The following SLC44A1 variants were observed in gnomAD, a reference collection of about 807,000 sequenced individuals.
The protein encoded by SLC44A1 is choline transporter-like protein 1.
In SLC44A1, 26 loss-of-function variants were observed where a neutral mutation model predicts 79.3. The observed-to-expected ratio is 0.33, with a 90% CI of 0.24 to 0.46. The LOEUF (loss-of-function observed/expected upper bound fraction) is 0.46. Among genes scored for constraint, SLC44A1 ranks in the 20% least tolerant of loss-of-function variants. SLC44A1 has a pLI of 1.00. For missense variants in SLC44A1, 688 were observed against 798.1 expected (o/e 0.86, Z 1.66); for synonymous variants, 263 against 286.2 (o/e 0.92, Z 0.82).
intron 1 of SLC44A1, among the ~76,000 whole-genome samples, chr9:105,288,950 G>A (rs181388487): frequency 2.6e-4 from 40 of 152,236 alleles, no homozygotes; most frequent in African/African-American, 7.7e-4. Context: ...ACTGGACTTC[G>A]TTAACCCGCA....
At chr9:105,293,936 G>A (rs1830660735) in intron 1 of SLC44A1, among the ~76,000 whole-genome samples, 1 of 152,066 alleles carries the variant, frequency 6.6e-6, no homozygotes, top group South Asian at 2.1e-4. Flanking sequence ...GAGATACCAT[G>A]GAAGCTAAAA....
intron 15 of SLC44A1, among the ~76,000 whole-genome samples, chr9:105,417,442 T>C (rs1829186109): frequency 6.6e-6 from 1 of 152,172 alleles, no homozygotes; most frequent in Non-Finnish European, 1.5e-5. Flanking sequence ...CATGTCTTTA[T>C]GCACTTATCA....
intron 1 of SLC44A1, among the ~76,000 whole-genome samples, chr9:105,290,865 G>GT (rs1349631500): frequency 6.6e-6 from 1 of 152,204 alleles, no homozygotes; most frequent in Non-Finnish European, 1.5e-5. Flanking sequence ...ACAGAATCCT[G>GT]TATCTTTCCA....
In SLC44A1 at chr9:105,317,001, G is replaced by A. The variant is rs7026437; in HGVS notation, c.269+7135G>A. The stretch of plus-strand genomic sequence containing the variant: ...AGGCTGAAATCAAAGTGTTGACAGG[G>A]CTGTGATTTTTTTCTTGAGGTTCTA... On this transcript the variant is annotated intron_variant, in intron 3 of 15. Transcript: ENST00000374720. Among the ~76,000 whole-genome samples, 264 of 152,268 alleles carry A rather than the reference G, an allele frequency of 1.7e-3. 1 individual carries two copies. Among genetic ancestry groups the A allele is most frequent in the African/African-American group, 5.8e-3 (240 of 41,558 alleles).
At chr9:105,312,329 C>G (rs919179706) in intron 3 of SLC44A1, among the ~76,000 whole-genome samples, 1 of 152,092 alleles carries the variant, frequency 6.6e-6, no homozygotes, top group African/African-American at 2.4e-5. Flanking sequence ...ATCCAATATT[C>G]AAAAGTACTC....
intron 4 of SLC44A1, among the ~76,000 whole-genome samples, chr9:105,337,548 T>C (rs1220426954): frequency 6.6e-6 from 1 of 152,202 alleles, no homozygotes; most frequent in East Asian, 1.9e-4. Flanking sequence ...TCTTACATAC[T>C]ACTGACATAT....
At chr9:105,368,842 A>G (rs1467521144) in intron 12 of SLC44A1, among the ~76,000 whole-genome samples, 1 of 152,128 alleles carries the variant, frequency 6.6e-6, no homozygotes, top group East Asian at 1.9e-4. Context: ...GTTCGAGACC[A>G]TCTTGGCCAA....
At chr9:105,312,938 T>G (rs1393105101) in intron 3 of SLC44A1, among the ~76,000 whole-genome samples, 1 of 152,164 alleles carries the variant, frequency 6.6e-6, no homozygotes, top group Non-Finnish European at 1.5e-5. Context: ...AGCCTTTCCT[T>G]TGGTGGTGTT....
intron 5 of SLC44A1, among the ~76,000 whole-genome samples, chr9:105,351,630 A>G (rs61031396): frequency 0.021 from 783 of 38,014 alleles, 34 homozygotes; most frequent in African/African-American, 0.044. Flanking sequence ...AAGAGAGAGA[A>G]AGAGAAAGAA....
At chr9:105,401,628 G>C (rs1328991631), downstream of SLC44A1, among the ~76,000 whole-genome samples, 28 of 152,100 alleles carry the variant, frequency 1.8e-4, no homozygotes, top group Non-Finnish European at 8.8e-5. Context: ...AGAAATGATA[G>C]ACTTGAAATA....
rs1299699160 is a variant in SLC44A1, at chr9:105,323,104, C to T, written c.270-12459C>T. On this transcript the variant is annotated intron_variant, in intron 3 of 15. Transcript: ENST00000374720. Reference sequence around the variant, plus strand: ...GGTGGCGGGCACCTGTAATCCCAGCCACTTGGAAGGCTGAGACAGGAGAAT... The same window carrying T: ...GGTGGCGGGCACCTGTAATCCCAGCTACTTGGAAGGCTGAGACAGGAGAAT... Among the ~76,000 whole-genome samples, 4 of 147,604 alleles carry T rather than the reference C, an allele frequency of 2.7e-5. No homozygotes were observed. In the East Asian group the frequency reaches 6.0e-4, roughly 22 times the overall value.
chr9:105,302,915 G>A (rs536796019), intron 2 of SLC44A1, among the ~76,000 whole-genome samples: 33 of 152,250 alleles, frequency 2.2e-4, no homozygotes, highest in Non-Finnish European at 4.6e-4. Flanking sequence ...CTGATGTAAT[G>A]GTCCAGATAA....
At chr9:105,412,176 T>C (rs1178624138) in intron 15 of SLC44A1, among the ~76,000 whole-genome samples, 6 of 152,258 alleles carry the variant, frequency 3.9e-5, no homozygotes, top group Non-Finnish European at 8.8e-5. Flanking sequence ...ATAATATATA[T>C]GTTAAATAAC....
At chr9:105,428,452 G>T (rs924387419) in intron 15 of SLC44A1, among the ~76,000 whole-genome samples, 7 of 152,102 alleles carry the variant, frequency 4.6e-5, no homozygotes, top group Non-Finnish European at 1.0e-4. Flanking sequence ...AAGTATAGTT[G>T]TTCAGAGTTT....
At chr9:105,422,658 G>A (rs1829269532) in intron 15 of SLC44A1, among the ~76,000 whole-genome samples, 1 of 152,156 alleles carries the variant, frequency 6.6e-6, no homozygotes, top group Non-Finnish European at 1.5e-5. Context: ...GAGAATTGCT[G>A]TGGCCATTTG....
At chr9:105,271,045 TAATCAGTG>T (rs1169585561) in intron 1 of SLC44A1, among the ~76,000 whole-genome samples, 7 of 152,364 alleles carry the variant, frequency 4.6e-5, no homozygotes, top group Admixed American at 4.6e-4. Context: ...GCCATCTATG[TAATCAGTG>T]GTTAACTTTC....
At chr9:105,255,636 T>G (rs566402183) in intron 1 of SLC44A1, among the ~76,000 whole-genome samples, 14 of 152,336 alleles carry the variant, frequency 9.2e-5, no homozygotes, top group African/African-American at 3.1e-4. Context: ...TTGAGTAGCC[T>G]TTTGCCTTCC....
At chr9:105,372,949 C>CAAA (rs1276208690) in intron 12 of SLC44A1, among the ~76,000 whole-genome samples, 5 of 84,606 alleles carry the variant, frequency 5.9e-5, no homozygotes, top group Non-Finnish European at 7.3e-5. Context: ...GACTCCGTCT[C>CAAA]AAAAAAAAAA....
At chr9:105,335,994 A>G (rs1293516088) in intron 4 of SLC44A1, among the ~76,000 whole-genome samples, 4 of 152,192 alleles carry the variant, frequency 2.6e-5, no homozygotes, top group Admixed American at 6.5e-5. Flanking sequence ...GGAAATTACT[A>G]AACCACTCTA....
Sources: allele counts gnomAD v4.1 joint callset (sites outside exome capture counted in the v4.1 genomes callset), GRCh38; gene constraint gnomAD v4.1.1; transcripts MANE v1.5; gene names NCBI Gene and HGNC (gene_info 2026-07-23, HGNC 2026-07-21).